Variants in TSPEAR observed in about 807,000 individuals in gnomAD.
TSPEAR encodes thrombospondin type laminin G domain and EAR repeats, also known as thrombospondin-type laminin G domain and EAR repeat-containing protein.
In TSPEAR, 69 loss-of-function variants were observed where a neutral mutation model predicts 71.6. The observed-to-expected ratio is 0.96, with a 90% CI of 0.79 to 1.18. The LOEUF (loss-of-function observed/expected upper bound fraction) is 1.18. Among genes scored for constraint, TSPEAR ranks in the 50% most tolerant of loss-of-function variants. The probability of loss-of-function intolerance (pLI) is 0.00; values close to 1 mark genes in which losing one functional copy is unlikely to be tolerated. For missense variants in TSPEAR, 971 were observed against 894.9 expected, an observed-to-expected ratio of 1.09 and a Z score of -1.09; for synonymous variants, 402 against 387.2, an observed-to-expected ratio of 1.04 and a Z score of -0.45.
intron 1 of TSPEAR, among the ~76,000 whole-genome samples, chr21:44,595,066 C>T (rs1399102910): frequency 1.3e-5 from 2 of 152,154 alleles, no homozygotes; most frequent in African/African-American, 2.4e-5. Context: ...AAGTGATCCA[C>T]CTACCTTGGC....
intron 1 of TSPEAR, among the ~76,000 whole-genome samples, chr21:44,590,277 G>C (rs587767619): frequency 6.6e-6 from 1 of 152,262 alleles, no homozygotes; most frequent in Non-Finnish European, 1.5e-5. Flanking sequence ...CGCCCAACGC[G>C]GTATCGTGGA....
At chr21:44,681,017 C>T (rs1986559978) in intron 1 of TSPEAR, among the ~76,000 whole-genome samples, 1 of 152,170 alleles carries the variant, frequency 6.6e-6, no homozygotes, top group Non-Finnish European at 1.5e-5. Context: ...TGTAAAATGT[C>T]CTCAACACAG....
intron 1 of TSPEAR, chr21:44,591,770 A>G: frequency 1.3e-6 from 2 of 1,586,892 alleles, no homozygotes; most frequent in Non-Finnish European, 1.7e-6. Flanking sequence ...GTGGGCACAC[A>G]GCACACAGGC....
intron 11 of TSPEAR, among the ~76,000 whole-genome samples, chr21:44,501,018 T>C (rs2052019618): frequency 6.6e-6 from 1 of 152,242 alleles, no homozygotes; most frequent in African/African-American, 2.4e-5. Context: ...ATTTGGACTT[T>C]TAATCCATAT....
At chr21:44,661,330 G>A (rs1985485576) in intron 1 of TSPEAR, among the ~76,000 whole-genome samples, 1 of 149,054 alleles carries the variant, frequency 6.7e-6, no homozygotes, top group Non-Finnish European at 1.5e-5. Context: ...ACTGTCCAGA[G>A]CAAAAATAGT....
chr21:44,511,763 G>A (rs781951485), intron 9 of TSPEAR, among the ~76,000 whole-genome samples: 39 of 152,366 alleles, frequency 2.6e-4, no homozygotes, highest in African/African-American at 8.7e-4. Flanking sequence ...ATGGACTGCC[G>A]GGGCCAGAAC....
At chr21:44,664,412 A>T (rs1444717765) in intron 1 of TSPEAR, among the ~76,000 whole-genome samples, 1 of 152,216 alleles carries the variant, frequency 6.6e-6, no homozygotes, top group African/African-American at 2.4e-5. Context: ...ACTACAAAAT[A>T]TTGATGAGAA....
At chr21:44,550,853 G>T (rs1555918578) in intron 2 of TSPEAR, 2 of 1,535,402 alleles carry the variant, frequency 1.3e-6, no homozygotes, top group East Asian at 5.0e-5. Context: ...AAGCCCCAGA[G>T]CAAACAGGTA....
chr21:44,516,035 T>C (rs1009172638), intron 9 of TSPEAR: 5 of 152,150 alleles, frequency 3.3e-5, no homozygotes, highest in African/African-American at 1.2e-4. Context: ...GCTCGGCCGC[T>C]TACCGCCGTG....
intron 1 of TSPEAR, among the ~76,000 whole-genome samples, chr21:44,634,248 G>A (rs75747619): frequency 1.3e-5 from 2 of 152,042 alleles, no homozygotes; most frequent in African/African-American, 2.4e-5. Flanking sequence ...GCAATACCCT[G>A]TCTCTGTTTT....
intron 1 of TSPEAR, chr21:44,574,870 C>T (rs1352834621): frequency 1.2e-6 from 2 of 1,611,548 alleles, no homozygotes; most frequent in East Asian, 4.5e-5. Context: ...GTGTGCAGGC[C>T]CGCCTGCTGC....
intron 1 of TSPEAR, chr21:44,579,887 G>T (rs1569198876): frequency 6.2e-7 from 1 of 1,600,504 alleles, no homozygotes; most frequent in East Asian, 2.3e-5. Flanking sequence ...GCAGCAGGCG[G>T]GCCTGCATAT....
At chr21:44,702,391 T>C in intron 1 of TSPEAR, 4 of 1,151,568 alleles carry the variant, frequency 3.5e-6, no homozygotes, top group Middle Eastern at 2.6e-4. Context: ...TGAGCCCAGC[T>C]CCTGCACGCC....
At chr21:44,595,813 T>C (rs1326136794) in intron 1 of TSPEAR, among the ~76,000 whole-genome samples, 2 of 152,220 alleles carry the variant, frequency 1.3e-5, no homozygotes, top group Admixed American at 6.5e-5. Flanking sequence ...ATTTTTAAAA[T>C]GCAAATTATG....
At chr21:44,702,891 A>G in intron 1 of TSPEAR, 1 of 657,698 alleles carries the variant, frequency 1.5e-6, no homozygotes, top group Non-Finnish European at 2.6e-6. Context: ...TACACACCGC[A>G]CTGGTACACA....
At chr21:44,508,330 C>T (rs2052255081) in intron 10 of TSPEAR, 1 of 263,386 alleles carries the variant, frequency 3.8e-6, no homozygotes, top group South Asian at 1.2e-4. Context: ...TTGTGTGTCT[C>T]AAGCTGAGAT....
chr21:44,627,793 T>C (rs8131142), intron 1 of TSPEAR: 1,081,629 of 1,613,712 alleles, frequency 0.67, 363,908 homozygotes, highest in Admixed American at 0.72. Flanking sequence ...GGCTTCCTCT[T>C]TGTGCTGCCA....
At chr21:44,539,606 G>A in intron 2 of TSPEAR, 2 of 1,613,814 alleles carry the variant, frequency 1.2e-6, no homozygotes, top group Non-Finnish European at 1.7e-6. Flanking sequence ...CACGCAGCAG[G>A]CCTGCTGGCA....
intron 1 of TSPEAR, among the ~76,000 whole-genome samples, chr21:44,709,227 G>A (rs931772407): frequency 1.3e-5 from 2 of 152,232 alleles, no homozygotes; most frequent in Non-Finnish European, 1.5e-5. Flanking sequence ...TCTGAATGAG[G>A]GGTGCCGAGC....
Sources: gnomAD v4.1 joint callset for allele counts (sites outside exome capture counted in the v4.1 genomes callset) on GRCh38, gnomAD v4.1.1 for gene constraint, MANE v1.5 for transcripts, NCBI Gene and HGNC (gene_info 2026-07-23, HGNC 2026-07-21) for gene names.